The following PPP3CA variants were observed in gnomAD, a reference collection of about 807,000 sequenced individuals.
PPP3CA encodes the protein CAM-PRP catalytic subunit.
In PPP3CA, 14 loss-of-function variants were observed where a neutral mutation model predicts 66.5. The observed-to-expected ratio is 0.21, with a 90% CI of 0.14 to 0.33. The LOEUF (loss-of-function observed/expected upper bound fraction) is 0.33. PPP3CA is among the 10% of genes least tolerant of loss of function. The probability of loss-of-function intolerance (pLI) is 1.00; values close to 1 mark genes in which losing one functional copy is unlikely to be tolerated. For missense variants in PPP3CA, 317 were observed against 639.5 expected, an observed-to-expected ratio of 0.50 and a Z score of 5.44; for synonymous variants, 232 against 226.2, an observed-to-expected ratio of 1.03 and a Z score of -0.23.
At chr4:101,285,259 C>G (rs1433212156) in intron 1 of PPP3CA, among the ~76,000 whole-genome samples, 2 of 151,966 alleles carry the variant, frequency 1.3e-5, no homozygotes. Flanking sequence ...TAATTATTAT[C>G]CTTAACTTGC....
At chr4:101,086,448 T>A (rs1729678578) in intron 6 of PPP3CA, among the ~76,000 whole-genome samples, 1 of 152,192 alleles carries the variant, frequency 6.6e-6, no homozygotes, top group Non-Finnish European at 1.5e-5. Context: ...TGTATTTGTT[T>A]CTATATCATA....
intron 12 of PPP3CA, among the ~76,000 whole-genome samples, chr4:101,030,539 T>C (rs962628074): frequency 1.3e-5 from 2 of 152,184 alleles, no homozygotes; most frequent in African/African-American, 2.4e-5. Context: ...TTTATGTGTA[T>C]GTGTGTTTGT....
intron 2 of PPP3CA, among the ~76,000 whole-genome samples, chr4:101,120,588 C>G (rs1471314876): frequency 6.6e-6 from 1 of 151,584 alleles, no homozygotes; most frequent in Non-Finnish European, 1.5e-5. Context: ...TTTACATTTA[C>G]TTTTATAATG....
chr4:101,312,706 TTTAA>T (rs1471916676), intron 1 of PPP3CA, among the ~76,000 whole-genome samples: 51 of 152,230 alleles, frequency 3.4e-4, no homozygotes, highest in African/African-American at 9.9e-4. Context: ...TCAAATAATC[TTTAA>T]TTATTAATTT....
chr4:101,132,123 T>C (rs1722463248), intron 2 of PPP3CA, among the ~76,000 whole-genome samples: 1 of 152,196 alleles, frequency 6.6e-6, no homozygotes, highest in Admixed American at 6.5e-5. Context: ...CGGAAATTTA[T>C]AGCACTAAAT....
chr4:101,242,655 G>T (rs1344673194), intron 1 of PPP3CA, among the ~76,000 whole-genome samples: 6 of 152,118 alleles, frequency 3.9e-5, no homozygotes, highest in African/African-American at 1.4e-4. Flanking sequence ...ATCTGGGCCA[G>T]GTGTGGTTGC....
intron 10 of PPP3CA, among the ~76,000 whole-genome samples, chr4:101,048,722 A>G (rs962828193): frequency 2.0e-5 from 3 of 152,112 alleles, no homozygotes; most frequent in African/African-American, 7.2e-5. Context: ...AAATTGGGAC[A>G]TAATAGCCAC....
intron 1 of PPP3CA, among the ~76,000 whole-genome samples, chr4:101,286,770 A>G (rs1331206565): frequency 3.3e-5 from 5 of 152,174 alleles, no homozygotes; most frequent in Non-Finnish European, 7.4e-5. Flanking sequence ...TTCAGCATCC[A>G]TAGCTGGACA....
chr4:101,287,656 C>T lies in PPP3CA; in HGVS notation c.58+59083G>A, dbSNP rs963946949. On this transcript the variant is annotated intron_variant, in intron 1 of 13. Transcript: ENST00000394854. Reference sequence around the variant, plus strand: ...CATTCTACAGCCAGGACAAGAAAGACGCTATTTCAATTAACACAAGTATAA... The same window carrying T: ...CATTCTACAGCCAGGACAAGAAAGATGCTATTTCAATTAACACAAGTATAA... Among the ~76,000 whole-genome samples, 8 of 152,116 alleles carry T rather than the reference C, an allele frequency of 5.3e-5. No individual in the cohort carries two copies. The East Asian group carries it at 7.7e-4, about 15-fold the overall frequency.
chr4:101,238,119 T>C (rs969737637), intron 1 of PPP3CA, among the ~76,000 whole-genome samples: 10 of 151,998 alleles, frequency 6.6e-5, no homozygotes, highest in African/African-American at 2.4e-4. Context: ...AATAAATGAG[T>C]GTGATATGGC....
intron 1 of PPP3CA, among the ~76,000 whole-genome samples, chr4:101,326,398 T>C (rs1232071176): frequency 7.2e-5 from 11 of 152,152 alleles, no homozygotes; most frequent in Non-Finnish European, 7.4e-5. Context: ...CCTTAGGGAT[T>C]AAAAGAAACA....
At chr4:101,123,086 C>T (rs911518585) in intron 2 of PPP3CA, among the ~76,000 whole-genome samples, 5 of 152,122 alleles carry the variant, frequency 3.3e-5, no homozygotes, top group Admixed American at 2.6e-4. Flanking sequence ...TTTAATATCC[C>T]ATTGTGTTAG....
At chr4:101,043,613 G>A (rs1476198533) in intron 10 of PPP3CA, among the ~76,000 whole-genome samples, 1 of 151,538 alleles carries the variant, frequency 6.6e-6, no homozygotes, top group Non-Finnish European at 1.5e-5. Flanking sequence ...AGTGGCTCAC[G>A]CCTGTAATCC....
chr4:101,333,292 T>TG (rs1729502909), intron 1 of PPP3CA, among the ~76,000 whole-genome samples: 1 of 115,276 alleles, frequency 8.7e-6, no homozygotes, highest in Non-Finnish European at 1.7e-5. Context: ...TTTTTTTTTT[T>TG]TTTTTTTTTT....
intron 1 of PPP3CA, among the ~76,000 whole-genome samples, chr4:101,309,712 T>C (rs1471628148): frequency 6.6e-6 from 1 of 152,204 alleles, no homozygotes; most frequent in African/African-American, 2.4e-5. Flanking sequence ...ACATGTTGTG[T>C]TGGTTGATTC....
At chr4:101,092,745 T>C (rs1446036368) in intron 6 of PPP3CA, among the ~76,000 whole-genome samples, 1 of 152,142 alleles carries the variant, frequency 6.6e-6, no homozygotes, top group African/African-American at 2.4e-5. Context: ...ATAGTTCTTA[T>C]GGATTCCAGC....
At chr4:101,243,893 T>C (rs569563171) in intron 1 of PPP3CA, among the ~76,000 whole-genome samples, 2 of 152,282 alleles carry the variant, frequency 1.3e-5, no homozygotes, top group South Asian at 2.1e-4. Context: ...AAATTGCTAA[T>C]GTACTTTCCA....
chr4:101,176,824 A>G (rs1001333645), intron 2 of PPP3CA, among the ~76,000 whole-genome samples: 1 of 152,074 alleles, frequency 6.6e-6, no homozygotes, highest in African/African-American at 2.4e-5. Flanking sequence ...AAACACCAAT[A>G]AAATGTGACC....
intron 2 of PPP3CA, among the ~76,000 whole-genome samples, chr4:101,188,413 T>C (rs1401111770): frequency 1.3e-5 from 2 of 152,138 alleles, no homozygotes; most frequent in African/African-American, 4.8e-5. Context: ...TGTTGTTTCA[T>C]AAAAATTTCT....
Sources: gnomAD v4.1 joint callset for allele counts (sites outside exome capture counted in the v4.1 genomes callset) on GRCh38, gnomAD v4.1.1 for gene constraint, MANE v1.5 for transcripts, NCBI Gene and HGNC (gene_info 2026-07-23, HGNC 2026-07-21) for gene names.